The following DLG2 variants were observed in gnomAD, a reference collection of about 807,000 sequenced individuals.
DLG2 encodes discs large MAGUK scaffold protein 2.
In DLG2, 45 loss-of-function variants were observed where a neutral mutation model predicts 132.5. That is an observed-to-expected ratio of 0.34 (90% CI 0.27 to 0.44). The LOEUF (loss-of-function observed/expected upper bound fraction) is 0.44, where lower values mean the gene tolerates loss of function less well. DLG2 is among the 20% of genes least tolerant of loss of function. The pLI is 1.00. For missense variants in DLG2, 1,045 were observed against 1,196.9 expected (o/e 0.87, Z 1.87); for synonymous variants, 424 against 419.6 (o/e 1.01, Z -0.13).
At chr11:85,516,707 T>G (rs286509) in intron 3 of DLG2, among the ~76,000 whole-genome samples, 4 of 151,938 alleles carry the variant, frequency 2.6e-5, no homozygotes, top group African/African-American at 9.7e-5. Flanking sequence ...ACATAGAACC[T>G]TCCAAGATTG....
At chr11:85,304,408 G>A (rs1489147816) in intron 3 of DLG2, among the ~76,000 whole-genome samples, 3 of 151,976 alleles carry the variant, frequency 2.0e-5, no homozygotes, top group Non-Finnish European at 4.4e-5. Flanking sequence ...TAAATCCTAG[G>A]TTCTGAGAAA....
At chr11:85,482,571 T>TAG (rs2093323859) in intron 3 of DLG2, among the ~76,000 whole-genome samples, 1 of 152,250 alleles carries the variant, frequency 6.6e-6, no homozygotes, top group African/African-American at 2.4e-5. Context: ...ATCCAATCCC[T>TAG]AGGCCAGGTC....
intron 11 of DLG2, among the ~76,000 whole-genome samples, chr11:83,997,215 T>C (rs1477776122): frequency 1.3e-5 from 2 of 152,118 alleles, no homozygotes; most frequent in East Asian, 3.9e-4. Context: ...TTAAAAACCT[T>C]TTATGCTCAA....
At chr11:83,980,367 G>T (rs2092676927) in intron 12 of DLG2, 139 bp downstream of exon 12, 3 of 955,228 alleles carry the variant, frequency 3.1e-6, no homozygotes, top group Non-Finnish European at 4.5e-6. Context: ...CCAGAATTGT[G>T]AGAAAATAGA....
At chr11:83,499,160 G>C (rs2094313204) in intron 21 of DLG2, among the ~76,000 whole-genome samples, 2 of 152,104 alleles carry the variant, frequency 1.3e-5, no homozygotes, top group South Asian at 4.1e-4. Flanking sequence ...TTCTCACAAA[G>C]TTTTCTAAAA....
chr11:84,345,710 TG>T (rs1427137578), intron 7 of DLG2, among the ~76,000 whole-genome samples: 1 of 152,174 alleles, frequency 6.6e-6, no homozygotes, highest in Non-Finnish European at 1.5e-5. Flanking sequence ...GGATTACCTG[TG>T]AGGCTTCATG....
intron 5 of DLG2, among the ~76,000 whole-genome samples, chr11:85,121,983 T>C (rs140033182): frequency 1.3e-5 from 2 of 152,264 alleles, no homozygotes; most frequent in East Asian, 3.9e-4. Context: ...TGTATGTGTG[T>C]GTGTAAATTA....
At chr11:84,481,478 T>C (rs1013153608) in intron 7 of DLG2, among the ~76,000 whole-genome samples, 8 of 152,148 alleles carry the variant, frequency 5.3e-5, no homozygotes, top group Non-Finnish European at 8.8e-5. Context: ...GTAGTACTTA[T>C]CTCACAGAAC....
intron 17 of DLG2, among the ~76,000 whole-genome samples, chr11:83,820,756 T>C (rs148578847): frequency 2.7e-4 from 41 of 152,292 alleles, no homozygotes; most frequent in African/African-American, 7.9e-4. Flanking sequence ...ACAGCAAATA[T>C]GTAGTATAGG....
At chr11:83,739,145 T>C (rs911721938) in intron 18 of DLG2, among the ~76,000 whole-genome samples, 6 of 152,180 alleles carry the variant, frequency 3.9e-5, no homozygotes, top group African/African-American at 1.2e-4. Flanking sequence ...ATTTGAATTC[T>C]ATGATTCAAA....
At chr11:85,607,073 G>C (rs982576018) in intron 2 of DLG2, among the ~76,000 whole-genome samples, 6 of 152,190 alleles carry the variant, frequency 3.9e-5, no homozygotes, top group African/African-American at 7.2e-5. Context: ...CAAGCAGTGA[G>C]ATTATCGCCT....
intron 6 of DLG2, among the ~76,000 whole-genome samples, chr11:84,750,295 C>T (rs953865694): frequency 6.6e-6 from 1 of 152,062 alleles, no homozygotes; most frequent in African/African-American, 2.4e-5. Context: ...TCCATGAGCT[C>T]TTCTTCCTGA....
chr11:83,963,575 C>T (rs1317853033), intron 13 of DLG2, among the ~76,000 whole-genome samples: 1 of 151,964 alleles, frequency 6.6e-6, no homozygotes, highest in East Asian at 1.9e-4. Context: ...GCTCCTTTCT[C>T]TCTCCTCAAA....
chr11:83,835,411 T>C (rs1481440198), intron 16 of DLG2, among the ~76,000 whole-genome samples: 1 of 151,912 alleles, frequency 6.6e-6, no homozygotes, highest in African/African-American at 2.4e-5. Context: ...GTAGGATGGA[T>C]TGAGAAGGTG....
At chr11:84,868,287 A>C (rs1353328551) in intron 6 of DLG2, among the ~76,000 whole-genome samples, 2 of 151,664 alleles carry the variant, frequency 1.3e-5, no homozygotes, top group East Asian at 3.9e-4. Flanking sequence ...TCTTGTTCAA[A>C]TTCGAGGCTT....
chr11:84,425,121 T>C (rs1214373844), intron 7 of DLG2, among the ~76,000 whole-genome samples: 1 of 152,128 alleles, frequency 6.6e-6, no homozygotes, highest in Non-Finnish European at 1.5e-5. Flanking sequence ...GTATTATTAA[T>C]ATTACTGTGC....
Position 83,494,553 on chromosome 11 carries a change from C to CTT in DLG2, c.2194-10327_2194-10326dup, listed in dbSNP as rs751725594. 2.8e-3 allele frequency among the ~76,000 whole-genome samples: 384 copies of CTT among 134,932 alleles called. 1 individual carries two copies. The highest frequency in any genetic ancestry group is 9.6e-3 in the African/African-American group (354 of 36,758). The allele number at this position is 134,932 out of a possible 152,430, so 88.5% of individuals were successfully genotyped here. A position where few individuals can be genotyped will look rare whatever the true frequency, so the allele number is the denominator to read the frequency against. On this transcript the variant is annotated intron_variant, in intron 21 of 27. Transcript: ENST00000376104. Reference sequence around the variant, plus strand: ...GTTTTTTAGGTTGAACTGCCTATTTCTTTTTTTTTTTTTTTACACAATATC... The same window carrying CTT: ...GTTTTTTAGGTTGAACTGCCTATTTCTTTTTTTTTTTTTTTTTACACAATATC...
intron 16 of DLG2, among the ~76,000 whole-genome samples, chr11:83,856,771 A>G (rs951001425): frequency 6.6e-6 from 1 of 152,132 alleles, no homozygotes; most frequent in Non-Finnish European, 1.5e-5. Flanking sequence ...CCAATTCTGT[A>G]GGTGGTCAGT....
chr11:84,601,680 A>G (rs1007691805), intron 6 of DLG2, among the ~76,000 whole-genome samples: 1 of 152,162 alleles, frequency 6.6e-6, no homozygotes, highest in Non-Finnish European at 1.5e-5. Flanking sequence ...GTTAAATGAA[A>G]GATCCAAAGA....
Sources: allele counts gnomAD v4.1 joint callset (sites outside exome capture counted in the v4.1 genomes callset), GRCh38; gene constraint gnomAD v4.1.1; transcripts MANE v1.5; gene names NCBI Gene and HGNC (gene_info 2026-07-23, HGNC 2026-07-21).